CDH4: variants seen among roughly 807,000 people sequenced by gnomAD.
CDH4 encodes cadherin-4.
CDH4 carries 33 observed loss-of-function variants against 86.0 expected under a neutral mutation model. That is an observed-to-expected ratio of 0.38 (90% CI 0.29 to 0.51). The LOEUF is 0.51. Among genes scored for constraint, CDH4 ranks in the 20% least tolerant of loss-of-function variants. CDH4 has a pLI of 0.86. For missense variants in CDH4, 1,114 were observed against 1,307.4 expected (o/e 0.85, Z 2.28); for synonymous variants, 555 against 549.4 (o/e 1.01, Z -0.14).
At chr20:61,274,494 C>T in intron 2 of CDH4, among the ~76,000 whole-genome samples, 1 of 122,184 alleles carries the variant, frequency 8.2e-6, no homozygotes, top group East Asian at 2.4e-4. Flanking sequence ...GTACCGTGTG[C>T]AGTTTGGGGG....
At chr20:61,445,878 G>A (rs1057152413) in intron 2 of CDH4, among the ~76,000 whole-genome samples, 2 of 152,160 alleles carry the variant, frequency 1.3e-5, no homozygotes, top group Non-Finnish European at 1.5e-5. Flanking sequence ...CTAGTCCTCC[G>A]CGCAGTCCTG....
rs6061377 is a variant in CDH4, at chr20:61,879,256, G to A, written c.1050+5356G>A. ...GAAGCTGATTTCTGTCTGGCTTGGC[G>A]TATCAGAGAAGAGCACACATCGGGA... On this transcript the variant is annotated intron_variant, in intron 7 of 15. Coordinates refer to ENST00000614565, the MANE Select transcript of CDH4 (RefSeq NM_001794.5). The surrounding 1 kb of genome is among the most constrained non-coding windows in gnomAD (Gnocchi z 4.1). Among the ~76,000 whole-genome samples, 68 of 152,304 alleles carry A rather than the reference G, an allele frequency of 4.5e-4. 1 individual carries two copies. The highest frequency in any genetic ancestry group is 1.5e-3 in the African/African-American group (61 of 41,564).
At chr20:61,281,672 C>G (rs2084259736) in intron 2 of CDH4, among the ~76,000 whole-genome samples, 1 of 152,228 alleles carries the variant, frequency 6.6e-6, no homozygotes, top group Non-Finnish European at 1.5e-5. Context: ...TCCAGGATGG[C>G]AGGATAAATC....
intron 2 of CDH4, among the ~76,000 whole-genome samples, chr20:61,411,546 T>G (rs1026208498): frequency 2.0e-5 from 3 of 152,032 alleles, no homozygotes; most frequent in African/African-American, 7.2e-5. Context: ...AGCTGCTGGC[T>G]GGGCTGGGCA....
chr20:61,652,934 A>ATTTTT (rs1378064808), intron 2 of CDH4, among the ~76,000 whole-genome samples: 6 of 103,076 alleles, frequency 5.8e-5, no homozygotes, highest in South Asian at 2.8e-4. Flanking sequence ...TTATTTATTT[A>ATTTTT]TTTATTTTTT....
intron 4 of CDH4, among the ~76,000 whole-genome samples, chr20:61,814,246 C>G (rs1980599378): frequency 6.6e-6 from 1 of 152,224 alleles, no homozygotes; most frequent in Admixed American, 6.5e-5. Context: ...TCTTAGGAAC[C>G]TCACGCTGTG....
chr20:61,547,038 C>T (rs534174243), intron 2 of CDH4, among the ~76,000 whole-genome samples: 40 of 151,920 alleles, frequency 2.6e-4, no homozygotes, highest in Non-Finnish European at 4.7e-4. Flanking sequence ...ACTGACAGAT[C>T]GCTGCCTCCC....
chr20:61,839,289 G>A (rs1045879406), intron 4 of CDH4, among the ~76,000 whole-genome samples: 3 of 152,038 alleles, frequency 2.0e-5, no homozygotes, highest in African/African-American at 7.2e-5. Context: ...TGTGCATGGG[G>A]GAGTGTGTGT....
Position 61,940,416 on chromosome 20 carries a change from CACA to C in CDH4, c.*3476_*3478del, listed in dbSNP as rs1363469216. The C allele has an allele frequency of 6.7e-6, 1 of 149,654 alleles. No individual in the cohort carries two copies. Among genetic ancestry groups the C allele is most frequent in the African/African-American group, 2.5e-5 (1 of 40,420 alleles). 9.3% of individuals were successfully genotyped at this position (149,654 alleles called of 1,614,324 possible). A position where few individuals can be genotyped will look rare whatever the true frequency, so the allele number is the denominator to read the frequency against. ...CACCTTTTTTTGTAATCGTCAACAG[CACA>C]ACTATTTTGTATTGTTGTTTGTATC... is the stretch of plus-strand genomic sequence containing the variant. On this transcript the variant is annotated 3_prime_UTR_variant, in exon 16 of 16. Coordinates refer to ENST00000614565, the MANE Select transcript of CDH4 (RefSeq NM_001794.5).
At chr20:61,758,755 G>T (rs548364691) in intron 3 of CDH4, among the ~76,000 whole-genome samples, 17 of 152,200 alleles carry the variant, frequency 1.1e-4, no homozygotes, top group Non-Finnish European at 2.2e-4. Context: ...CCTGACGGGG[G>T]ACGAGCCCAC....
chr20:61,469,936 A>G (rs2085493063), intron 2 of CDH4, among the ~76,000 whole-genome samples: 2 of 152,184 alleles, frequency 1.3e-5, no homozygotes, highest in Admixed American at 1.3e-4. Flanking sequence ...TTTTTATGCC[A>G]GTACCATGCT....
rs552421061 is a variant in CDH4, at chr20:61,686,572, CGT to C, written c.170-56985_170-56984del. On this transcript the variant is annotated intron_variant, in intron 2 of 15. Transcript: ENST00000614565. ...TCGCGTGTATGTGCATGTGCATTCG[CGT>C]GTGTGCATTCATGTGTGTGCATGAG... 7.6e-5 allele frequency among the ~76,000 whole-genome samples: 11 copies of C among 145,396 alleles called. No individual in the cohort carries two copies. In the East Asian group the frequency reaches 2.1e-3, roughly 27 times the overall value.
rs1254846512 is a variant in CDH4, at chr20:61,518,218, G to A, written c.170-225345G>A. ...TTTATCGAACACCACCAGTTCCTAG[G>A]ACGAGGAAGCCCGTGCCTCTCCACA... On this transcript the variant is annotated intron_variant, in intron 2 of 15. Transcript: ENST00000614565. This position sits in a 1 kb window ranked among gnomAD's most constrained non-coding sequence, Gnocchi z 6.3. 6.6e-6 allele frequency among the ~76,000 whole-genome samples: 1 copy of A among 152,152 alleles called. No homozygotes were observed. Among genetic ancestry groups the A allele is most frequent in the Admixed American group, 6.5e-5 (1 of 15,280 alleles).
chr20:61,659,739 G>A (rs2087232548), intron 2 of CDH4, among the ~76,000 whole-genome samples: 1 of 152,060 alleles, frequency 6.6e-6, no homozygotes, highest in African/African-American at 2.4e-5. Context: ...GAGGAGGGTG[G>A]GCCTCAGCCA....
chr20:61,883,859 C>T (rs758756786), intron 7 of CDH4, among the ~76,000 whole-genome samples: 3 of 152,144 alleles, frequency 2.0e-5, no homozygotes, highest in Non-Finnish European at 2.9e-5. Context: ...CCCTCTGTGC[C>T]CAGCAGAGAA....
rs1350839763 is a variant in CDH4, at chr20:61,810,182, G to A, written c.577-34486G>A. ...GTTCTCAAGACGGAGACAGAGATGG[G>A]TGAGGGAGGCCGGGCCAGCCACACT... is the stretch of plus-strand genomic sequence containing the variant. On this transcript the variant is annotated intron_variant, in intron 4 of 15. Transcript: ENST00000614565. This position sits in a 1 kb window ranked among gnomAD's most constrained non-coding sequence, Gnocchi z 4.3. Among the ~76,000 whole-genome samples, 3 of 152,218 alleles carry A rather than the reference G, an allele frequency of 2.0e-5. No homozygotes were observed. The highest frequency in any genetic ancestry group is 4.8e-5 in the African/African-American group (2 of 41,460).
intron 2 of CDH4, among the ~76,000 whole-genome samples, chr20:61,265,154 T>C (rs917456369): frequency 4.1e-5 from 6 of 147,978 alleles, no homozygotes; most frequent in Non-Finnish European, 5.9e-5. Context: ...CATAACTCAG[T>C]GGTTCCTTCA....
rs1276260469 is a variant in CDH4, at chr20:61,417,448, T to TTCC, written c.169+162514_169+162516dup. ...GGTGTGGGGCCCGAGTGCCAGCTGT[T>TTCC]TCCTCTAAAAATATCACCCACGTGA... On this transcript the variant is annotated intron_variant, in intron 2 of 15. Transcript: ENST00000614565. This position sits in a 1 kb window ranked among gnomAD's most constrained non-coding sequence, Gnocchi z 4.0. Among the ~76,000 whole-genome samples, 3 of 152,168 alleles carry TTCC rather than the reference T, an allele frequency of 2.0e-5. No individual in the cohort carries two copies. Among genetic ancestry groups the TTCC allele is most frequent in the Non-Finnish European group, 4.4e-5 (3 of 68,032 alleles).
chr20:61,915,030 G>A (rs1740349), intron 9 of CDH4, among the ~76,000 whole-genome samples: 2,970 of 152,314 alleles, frequency 0.019, 76 homozygotes, highest in African/African-American at 0.067. Context: ...GTTGGGCACC[G>A]ATACCAGGTG....
Sources: gnomAD v4.1 joint callset for allele counts (sites outside exome capture counted in the v4.1 genomes callset) on GRCh38, gnomAD v4.1.1 for gene constraint, Gnocchi (gnomAD v3.1) non-coding constraint, MANE v1.5 for transcripts, NCBI Gene and HGNC (gene_info 2026-07-23, HGNC 2026-07-21) for gene names.